The following MAX variants were observed in gnomAD, a reference collection of about 807,000 sequenced individuals.
MAX encodes protein max.
MAX carries 3 observed loss-of-function variants against 22.3 expected under a neutral mutation model. The observed-to-expected ratio is 0.13, with a 90% CI of 0.06 to 0.35. The LOEUF is 0.35. Among genes scored for constraint, MAX ranks in the 10% least tolerant of loss-of-function variants. The pLI is 1.00. For synonymous variants in MAX, 72 were observed against 77.7 expected (o/e 0.93, Z 0.39); for missense variants, 119 against 209.4 (o/e 0.57, Z 2.66).
downstream of MAX, among the ~76,000 whole-genome samples, chr14:65,072,009 G>A (rs2062992518): frequency 6.6e-6 from 1 of 152,210 alleles, no homozygotes. Flanking sequence ...CCTAGACACT[G>A]AAGGAAATTC....
intron 3 of MAX, among the ~76,000 whole-genome samples, chr14:65,087,349 T>A (rs536238646): frequency 3.1e-4 from 47 of 152,240 alleles, no homozygotes; most frequent in African/African-American, 1.1e-3. Context: ...CTGACTGACA[T>A]CTTGCACTGT....
At chr14:65,017,031 T>G (rs747329724) in intron 3 of MAX, among the ~76,000 whole-genome samples, 21 of 149,662 alleles carry the variant, frequency 1.4e-4, no homozygotes, top group Admixed American at 3.4e-4. Context: ...CAAGCGATTC[T>G]CCTGCCTCAG....
Position 65,047,322 on chromosome 14 carries a change from C to T in MAX, c.172-41038G>A, listed in dbSNP as rs2062506524. On this transcript the variant is annotated intron_variant, in intron 3 of 3. Coordinates refer to the MAX transcript ENST00000341653. This position sits in a 1 kb window ranked among gnomAD's most constrained non-coding sequence, Gnocchi z 5.2. The stretch of plus-strand genomic sequence containing the variant: ...TGATTGCTTTATAATACCTGATTGG[C>T]ACTCACAAGGGTTAGTATGTGGTTG... Among the ~76,000 whole-genome samples the T allele has an allele frequency of 1.3e-5, 2 of 152,234 alleles. No homozygotes were observed. The highest frequency in any genetic ancestry group is 2.9e-5 in the Non-Finnish European group (2 of 68,044).
At chr14:65,050,220 A>G (rs2062576028) in intron 3 of MAX, among the ~76,000 whole-genome samples, 1 of 152,246 alleles carries the variant, frequency 6.6e-6, no homozygotes, top group African/African-American at 2.4e-5. Flanking sequence ...CACCCTAATT[A>G]GTAATCAGAG....
At chr14:65,070,759 A>G (rs1402392213), downstream of MAX, among the ~76,000 whole-genome samples, 2 of 152,246 alleles carry the variant, frequency 1.3e-5, no homozygotes, top group Non-Finnish European at 2.9e-5. This position sits in a 1 kb window ranked among gnomAD's most constrained non-coding sequence, Gnocchi z 4.4. Context: ...GAAGGCTGAA[A>G]AACGATGGCT....
In MAX at chr14:65,094,206, G is replaced by A. The variant is rs1386176470; in HGVS notation, c.64-391C>T. 1.3e-5 allele frequency: 4 copies of A among 311,322 alleles called. No individual in the cohort carries two copies. The Admixed American group carries it at 1.7e-4, about 13-fold the overall frequency. The allele number at this position is 311,322 out of a possible 1,614,324, so 19.3% of individuals were successfully genotyped here. A position where few individuals can be genotyped will look rare whatever the true frequency, so the allele number is the denominator to read the frequency against. ...CTCCAGTGGCCCCTTCTTAAGATGT[G>A]ATCACCTCCACTGTAAGAGATTCCC... On this transcript the variant is annotated intron_variant, in intron 2 of 4. Coordinates refer to ENST00000358664, the MANE Select transcript of MAX (RefSeq NM_002382.5).
chr14:65,084,207 C>T lies in MAX; in HGVS notation c.172-6171G>A, dbSNP rs756074049. 2 of 1,613,996 alleles carry T rather than the reference C, an allele frequency of 1.2e-6. No homozygotes were observed. The highest frequency in any genetic ancestry group is 1.7e-6 in the Non-Finnish European group (2 of 1,179,944). ...AAATCTTGCATTCTTTTTTCTTGTG[C>T]ACTTGGTAGCTTGAAATGAAGGTGT... On this transcript the variant is annotated intron_variant, in intron 3 of 4. Coordinates refer to ENST00000358664, the MANE Select transcript of MAX (RefSeq NM_002382.5). This position sits in a 1 kb window ranked among gnomAD's most constrained non-coding sequence, Gnocchi z 4.3.
intron 1 of MAX, 39 bp from the exon 2 acceptor site, chr14:65,101,611 A>G (rs2139965612): frequency 6.8e-7 from 1 of 1,465,246 alleles, no homozygotes; most frequent in Non-Finnish European, 9.4e-7. Flanking sequence ...AAAATATAGA[A>G]GTTATTTTTA....
chr14:65,094,528 G>A (rs1411488965), intron 2 of MAX, among the ~76,000 whole-genome samples: 1 of 152,224 alleles, frequency 6.6e-6, no homozygotes, highest in African/African-American at 2.4e-5. Flanking sequence ...TTCTTAGAGG[G>A]CACAACTTCT....
In MAX at chr14:65,014,950, A is replaced by G. The variant is rs557549626; in HGVS notation, c.172-8666T>C. On this transcript the variant is annotated intron_variant, in intron 3 of 3. Transcript: ENST00000341653. This position sits in a 1 kb window ranked among gnomAD's most constrained non-coding sequence, Gnocchi z 5.1. ...GCTAGGAAATCTCTTCAGAGAATGT[A>G]TATCTCCTTGGTTCTATACCGAGAA... Among the ~76,000 whole-genome samples, 14 of 152,238 alleles carry G rather than the reference A, an allele frequency of 9.2e-5. No homozygotes were observed. Among genetic ancestry groups the G allele is most frequent in the Admixed American group, 3.9e-4 (6 of 15,294 alleles).
rs548731848 is a variant in MAX at position 65,062,662 on chromosome 14, T to C, written c.171+31046A>G. The C allele has an allele frequency of 8.5e-5, 13 of 152,762 alleles. No individual in the cohort carries two copies. The highest frequency in any genetic ancestry group is 3.1e-4 in the African/African-American group (13 of 41,576). 9.5% of individuals were successfully genotyped at this position (152,762 alleles called of 1,614,324 possible). ...AGAATAACATTTTCTATGATGTCTC[T>C]TATTTGTGATCTGTACCAAGAAAAT... On this transcript the variant is annotated intron_variant, in intron 3 of 3. Coordinates refer to the MAX transcript ENST00000341653. The surrounding 1 kb of genome is among the most constrained non-coding windows in gnomAD (Gnocchi z 4.3).
chr14:65,053,272 C>A, intron 3 of MAX: 1 of 1,455,594 alleles, frequency 6.9e-7, no homozygotes, highest in Non-Finnish European at 9.1e-7. Context: ...ACTGGATGTT[C>A]CATCAGCAGG....
In MAX at chr14:65,075,771, TACC is replaced by T. The variant is rs2063042098; in HGVS notation, c.*702_*704del. The stretch of plus-strand genomic sequence containing the variant: ...CTTCACTGCTGCCATCTCCCATACA[TACC>T]ACGAGAGTGTCACACGGCCCTCCGT... On this transcript the variant is annotated 3_prime_UTR_variant, in exon 5 of 5. Transcript: ENST00000358664. The surrounding 1 kb of genome is among the most constrained non-coding windows in gnomAD (Gnocchi z 4.1). The T allele has an allele frequency of 2.8e-6, 3 of 1,066,160 alleles. No individual in the cohort carries two copies. In the South Asian group the frequency reaches 1.4e-4, roughly 48 times the overall value. 66.0% of individuals were successfully genotyped at this position (1,066,160 alleles called of 1,614,324 possible).
intron 3 of MAX, among the ~76,000 whole-genome samples, chr14:65,057,756 T>C (rs755176282): frequency 1.3e-4 from 20 of 152,214 alleles, no homozygotes; most frequent in Non-Finnish European, 2.9e-4. Flanking sequence ...GGATATAATG[T>C]TATCTTTTTT....
In MAX at chr14:65,084,253, T is replaced by C; in HGVS notation, c.172-6217A>G. On this transcript the variant is annotated intron_variant, in intron 3 of 4. Coordinates refer to ENST00000358664, the MANE Select transcript of MAX (RefSeq NM_002382.5). This position sits in a 1 kb window ranked among gnomAD's most constrained non-coding sequence, Gnocchi z 4.3. ...GGTGTGGCATTTCTGCATCAAACTT[T>C]GACGATGAAGGACAGGAGTACACAA... 1 of 1,613,994 alleles carries C rather than the reference T, an allele frequency of 6.2e-7. No individual in the cohort carries two copies. The highest frequency in any genetic ancestry group is 8.5e-7 in the Non-Finnish European group (1 of 1,179,892).
In MAX at chr14:65,077,532, T is replaced by A. The variant is rs770108534; in HGVS notation, c.295+381A>T. 2 of 948,352 alleles carry A rather than the reference T, an allele frequency of 2.1e-6. No individual in the cohort carries two copies. Among genetic ancestry groups the A allele is most frequent in the Admixed American group, 1.7e-5 (1 of 58,638 alleles). 58.7% of individuals were successfully genotyped at this position (948,352 alleles called of 1,614,324 possible). On this transcript the variant is annotated intron_variant, in intron 4 of 4. Coordinates refer to ENST00000358664, the MANE Select transcript of MAX (RefSeq NM_002382.5). The surrounding 1 kb of genome is among the most constrained non-coding windows in gnomAD (Gnocchi z 6.3). ...CATTGACAATGGGGAGGGCTCACTG[T>A]CCCTGAACACCTGGAGTCTCTGGTA...
upstream of MAX, chr14:65,102,625 CGGCCCG>C (rs1188832017): frequency 1.6e-6 from 2 of 1,236,530 alleles, no homozygotes; most frequent in Non-Finnish European, 2.0e-6. Flanking sequence ...CTCTAACAGA[CGGCCCG>C]GGTAGCTCCA....
intron 2 of MAX, among the ~76,000 whole-genome samples, chr14:65,098,291 A>G (rs570634739): frequency 3.0e-4 from 46 of 152,318 alleles, no homozygotes; most frequent in Middle Eastern, 3.4e-3. Context: ...TAAAACAGAC[A>G]GTAGTTTCCT....
intron 3 of MAX, among the ~76,000 whole-genome samples, chr14:65,019,104 C>T (rs1037024211): frequency 1.3e-5 from 2 of 152,036 alleles, no homozygotes; most frequent in African/African-American, 2.4e-5. Flanking sequence ...ACCCGGGAGG[C>T]GGAGGTTGCG....
Sources: allele counts gnomAD v4.1 joint callset (sites outside exome capture counted in the v4.1 genomes callset), GRCh38; gene constraint gnomAD v4.1.1; non-coding constraint Gnocchi (gnomAD v3.1); transcripts MANE v1.5; gene names NCBI Gene and HGNC (gene_info 2026-07-23, HGNC 2026-07-21).